CEP170: variants seen among roughly 807,000 people sequenced by gnomAD.
The protein encoded by CEP170 is centrosomal protein 170, also known as centrosomal protein of 170 kDa.
In CEP170, 21 loss-of-function variants were observed where a neutral mutation model predicts 151.9. The observed-to-expected ratio is 0.14, with a 90% confidence interval of 0.10 to 0.20. The LOEUF (loss-of-function observed/expected upper bound fraction) is 0.20. Ranked by LOEUF, CEP170 falls within the 10% of genes least tolerant of loss-of-function variation. CEP170 has a pLI of 1.00. For synonymous variants in CEP170, 356 were observed against 648.8 expected, an observed-to-expected ratio of 0.55 and a Z score of 6.86; for missense variants, 964 against 1,892.9, an observed-to-expected ratio of 0.51 and a Z score of 9.11.
chr1:243,128,742 T>C (rs1312791211), intron 18 of CEP170: 1 of 153,820 alleles, frequency 6.5e-6, no homozygotes, highest in Non-Finnish European at 1.4e-5. Context: ...AATTTTTGTA[T>C]TTTTAGTAAA....
intron 1 of CEP170, among the ~76,000 whole-genome samples, chr1:243,236,342 G>A (rs151058684): frequency 6.6e-6 from 1 of 152,150 alleles, no homozygotes; most frequent in African/African-American, 2.4e-5. Flanking sequence ...TGCCAGTCTC[G>A]GATTTGGCTA....
intron 13 of CEP170, among the ~76,000 whole-genome samples, chr1:243,160,133 T>C (rs1156780093): frequency 6.6e-6 from 1 of 152,204 alleles, no homozygotes; most frequent in African/African-American, 2.4e-5. Context: ...GTAATGATAG[T>C]TTTTCTGATA....
At position 243,186,346 on chromosome 1, in the gene CEP170, A is replaced by T. The variant is rs1308696760; in HGVS notation, c.1185T>A (p.Thr395=). Residue 395 remains threonine (T), a synonymous_variant, in exon 9 of 20, where the codon ACT becomes ACA. Coordinates refer to ENST00000366542, the MANE Select transcript of CEP170 (RefSeq NM_014812.3). ...GGTGGCGTCTTAAGTGTTCCTCAAG[A>T]GTTGCACGTTTGCTACAGCGCCTGT... ...GAHRRCSKRA[T]LEEHLRRHHS... The T allele has an allele frequency of 6.2e-7, 1 of 1,613,604 alleles. No individual in the cohort carries two copies. Among genetic ancestry groups the T allele is most frequent in the Non-Finnish European group, 8.5e-7 (1 of 1,179,706 alleles).
At chr1:243,209,804 G>A (rs918105984) in intron 4 of CEP170, among the ~76,000 whole-genome samples, 1 of 151,812 alleles carries the variant, frequency 6.6e-6, no homozygotes, top group African/African-American at 2.4e-5. Context: ...TGAGGTGGGA[G>A]GTAGGAGCCT....
intron 7 of CEP170, among the ~76,000 whole-genome samples, chr1:243,195,699 A>T (rs2060603237): frequency 6.6e-6 from 1 of 152,110 alleles, no homozygotes; most frequent in Non-Finnish European, 1.5e-5. Context: ...TTAAGTTTTT[A>T]AAAATACCTT....
chr1:243,145,552 C>A (rs1365920745), intron 14 of CEP170, among the ~76,000 whole-genome samples: 3 of 152,244 alleles, frequency 2.0e-5, no homozygotes, highest in Non-Finnish European at 4.4e-5. Context: ...GGATTACAGG[C>A]GTGAGCCACT....
chr1:243,161,607 G>A (rs1240451435), intron 13 of CEP170, among the ~76,000 whole-genome samples: 1 of 151,988 alleles, frequency 6.6e-6, no homozygotes, highest in Non-Finnish European at 1.5e-5. Context: ...AAAATACTGG[G>A]ATTACAGGCA....
At chr1:243,221,274 C>T (rs866916925) in intron 3 of CEP170, among the ~76,000 whole-genome samples, 1 of 152,206 alleles carries the variant, frequency 6.6e-6, no homozygotes, top group Non-Finnish European at 1.5e-5. Flanking sequence ...CCGCCCGCCT[C>T]GGCCTCCCAA....
chr1:243,186,981 CATT>C (rs2059977468), intron 8 of CEP170, among the ~76,000 whole-genome samples: 1 of 152,144 alleles, frequency 6.6e-6, no homozygotes, highest in South Asian at 2.1e-4. Flanking sequence ...TTGTAGTCCC[CATT>C]AATTATTGCA....
intron 5 of CEP170, 30 bp downstream of exon 5, chr1:243,200,747 T>G (rs1206099159): frequency 9.3e-6 from 15 of 1,608,504 alleles, no homozygotes; most frequent in Non-Finnish European, 1.2e-5. Flanking sequence ...AAGAGTAGAT[T>G]TGCAAAAGAA....
intron 4 of CEP170, among the ~76,000 whole-genome samples, chr1:243,203,262 T>C (rs2061181741): frequency 6.6e-6 from 1 of 152,190 alleles, no homozygotes; most frequent in Non-Finnish European, 1.5e-5. Context: ...ATCAGTAAGT[T>C]ATAAAAAGTT....
At chr1:243,163,524 T>C (rs1484731353) in intron 13 of CEP170, among the ~76,000 whole-genome samples, 1 of 152,216 alleles carries the variant, frequency 6.6e-6, no homozygotes, top group Non-Finnish European at 1.5e-5. Flanking sequence ...TGGTGGAAAG[T>C]AAGTAGTTTT....
chr1:243,181,138 C>T (rs2059592689), intron 10 of CEP170, among the ~76,000 whole-genome samples: 1 of 152,152 alleles, frequency 6.6e-6, no homozygotes, highest in African/African-American at 2.4e-5. Context: ...GTAACCCTGA[C>T]AAGGTCTTCC....
intron 14 of CEP170, among the ~76,000 whole-genome samples, chr1:243,154,788 G>GT (rs547041474): frequency 8.2e-4 from 125 of 152,210 alleles, no homozygotes; most frequent in African/African-American, 2.7e-3. Context: ...TATTACAACT[G>GT]TTTTTTTATT....
At chr1:243,186,471 A>C (rs747983641) in intron 8 of CEP170, 49 bp from the exon 9 acceptor site, 3 of 1,530,896 alleles carry the variant, frequency 2.0e-6, no homozygotes, top group Non-Finnish European at 2.6e-6. Flanking sequence ...AGTCCCATGT[A>C]GAAATTTAGA....
chr1:243,182,620 T>C (rs1263047162), intron 10 of CEP170, among the ~76,000 whole-genome samples: 3 of 152,184 alleles, frequency 2.0e-5, no homozygotes, highest in Admixed American at 6.5e-5. Context: ...CTCAGTATGA[T>C]ATATAATGAA....
At chr1:243,224,684 A>G (rs1214811461) in intron 2 of CEP170, among the ~76,000 whole-genome samples, 1 of 152,126 alleles carries the variant, frequency 6.6e-6, no homozygotes, top group East Asian at 1.9e-4. Context: ...ACTTACAGTA[A>G]CTTTTATACT....
At chr1:243,166,704 T>C (rs187495332) in intron 12 of CEP170, 1 of 152,312 alleles carries the variant, frequency 6.6e-6, no homozygotes, top group African/African-American at 2.4e-5. Flanking sequence ...GAGATGAAAA[T>C]TAGAGTCATC....
intron 1 of CEP170, among the ~76,000 whole-genome samples, chr1:243,246,514 G>T (rs1420982175): frequency 1.3e-5 from 2 of 152,268 alleles, no homozygotes; most frequent in East Asian, 3.9e-4. Flanking sequence ...TTACAGGCAT[G>T]AGCCACTGGG....
Sources: gnomAD v4.1 joint callset for allele counts (sites outside exome capture counted in the v4.1 genomes callset) on GRCh38, gnomAD v4.1.1 for gene constraint, MANE v1.5 for transcripts, NCBI Gene and HGNC (gene_info 2026-07-23, HGNC 2026-07-21) for gene names.